Variants in GRAMD2B observed in about 807,000 individuals in gnomAD.
GRAMD2B encodes the protein GRAM domain containing 2B.
GRAMD2B carries 41 observed loss-of-function variants against 59.2 expected under a neutral mutation model. The observed-to-expected ratio is 0.69, with a 90% CI of 0.54 to 0.90. GRAMD2B has a LOEUF of 0.90. Among genes scored for constraint, GRAMD2B ranks in the 40% least tolerant of loss-of-function variants. The pLI, the probability that GRAMD2B is intolerant of heterozygous loss-of-function variation, is 0.00. For synonymous variants in GRAMD2B, 161 were observed against 182.7 expected (o/e 0.88, Z 0.96); for missense variants, 424 against 500.5 (o/e 0.85, Z 1.46).
At chr5:126,395,088 CTT>C (rs33993359) in intron 1 of GRAMD2B, among the ~76,000 whole-genome samples, 5 of 150,698 alleles carry the variant, frequency 3.3e-5, no homozygotes, top group East Asian at 1.9e-4. Flanking sequence ...TAGAGTTACA[CTT>C]TTTTTTTTGT....
upstream of GRAMD2B, among the ~76,000 whole-genome samples, chr5:126,420,907 A>ATTTGG (rs1188984458): frequency 3.3e-5 from 5 of 152,356 alleles, no homozygotes; most frequent in East Asian, 7.7e-4. Context: ...CCAGCCAAAA[A>ATTTGG]AAAATGAAAT....
chr5:126,437,995 T>G (rs1282971756), intron 1 of GRAMD2B, among the ~76,000 whole-genome samples: 1 of 152,198 alleles, frequency 6.6e-6, no homozygotes, highest in Non-Finnish European at 1.5e-5. Context: ...GGAATCTTCT[T>G]TGTCAATATG....
chr5:126,366,396 C>A (rs1177726070), upstream of GRAMD2B, among the ~76,000 whole-genome samples: 2 of 152,138 alleles, frequency 1.3e-5, no homozygotes, highest in Non-Finnish European at 2.9e-5. Flanking sequence ...TTGAGTAAAG[C>A]AAATCATATC....
At chr5:126,391,978 G>T (rs187958669) in intron 1 of GRAMD2B, among the ~76,000 whole-genome samples, 1 of 152,274 alleles carries the variant, frequency 6.6e-6, no homozygotes, top group East Asian at 1.9e-4. Flanking sequence ...TTTCTTGGAA[G>T]TTCATATTCT....
intron 1 of GRAMD2B, chr5:126,434,126 A>G (rs1439767641): frequency 6.6e-6 from 1 of 152,236 alleles, no homozygotes; most frequent in Non-Finnish European, 1.5e-5. Context: ...GTTTCTGGCA[A>G]TACTTAACAA....
intron 1 of GRAMD2B, among the ~76,000 whole-genome samples, chr5:126,410,747 C>G (rs948145253): frequency 6.6e-6 from 1 of 151,998 alleles, no homozygotes. Context: ...AACAACATTC[C>G]TATTTCTCCA....
At chr5:126,457,900 T>C (rs1250374918) in intron 1 of GRAMD2B, among the ~76,000 whole-genome samples, 1 of 152,136 alleles carries the variant, frequency 6.6e-6, no homozygotes, top group East Asian at 1.9e-4. Flanking sequence ...AAGTAGGGTT[T>C]CCTTCTCCAT....
intron 1 of GRAMD2B, among the ~76,000 whole-genome samples, chr5:126,405,611 T>C (rs1425354095): frequency 1.3e-5 from 2 of 151,928 alleles, no homozygotes. Flanking sequence ...GTGAACCAGA[T>C]CATTACATGA....
At position 126,409,839 on chromosome 5, in the gene GRAMD2B, T is replaced by A. The variant is rs1195073250; in HGVS notation, c.125+38272T>A. ...GGTTTTAGGTCTAATGTTTAAGTCT[T>A]TAATCCATCTTGAATTAATTTTTGT... On this transcript the variant is annotated intron_variant, in intron 1 of 8. Transcript: ENST00000506445. Among the ~76,000 whole-genome samples the A allele has an allele frequency of 2.0e-5, 3 of 152,180 alleles. No homozygotes were observed. The East Asian group carries it at 5.8e-4, about 29-fold the overall frequency.
chr5:126,484,357 A>G lies in GRAMD2B; in HGVS notation c.848-45A>G, dbSNP rs771545913. On this transcript the variant is annotated intron_variant, in intron 9 of 13. Coordinates refer to ENST00000285689, the MANE Select transcript of GRAMD2B (RefSeq NM_023927.4). ...ACTTGGAGATTAATCCTGTTTTTAA[A>G]TACATTGGAGAGAACACTTACCCAG... 5 of 1,582,264 alleles carry G rather than the reference A, an allele frequency of 3.2e-6. No homozygotes were observed. The South Asian group carries it at 5.8e-5, about 18-fold the overall frequency.
intron 1 of GRAMD2B, among the ~76,000 whole-genome samples, chr5:126,384,378 A>G (rs1755927542): frequency 6.6e-6 from 1 of 152,220 alleles, no homozygotes; most frequent in African/African-American, 2.4e-5. Context: ...TAGATCTAGA[A>G]ATAAACTGCA....
At chr5:126,360,588 G>A in intron 1 of GRAMD2B, 1 of 895,270 alleles carries the variant, frequency 1.1e-6, no homozygotes, top group Non-Finnish European at 1.6e-6. Flanking sequence ...ATTGCCCACT[G>A]GGGGAGTTTT....
At chr5:126,488,755 C>T (rs1440251168) in intron 12 of GRAMD2B, 44 bp from the exon 13 acceptor site, 6 of 1,371,468 alleles carry the variant, frequency 4.4e-6, no homozygotes, top group Admixed American at 1.8e-5. Context: ...CACTTCTTTC[C>T]TTGTCATCCC....
At chr5:126,481,208 AAAGAAAGAAAG>A (rs1771717136) in intron 8 of GRAMD2B, among the ~76,000 whole-genome samples, 5 of 6,710 alleles carry the variant, frequency 7.5e-4, no homozygotes, top group East Asian at 5.2e-3. Context: ...AAAAAAAAAG[AAAGAAAGAAAG>A]AAAGAAAGAA....
intron 1 of GRAMD2B, among the ~76,000 whole-genome samples, chr5:126,371,968 T>G (rs1434128405): frequency 6.6e-6 from 1 of 152,074 alleles, no homozygotes; most frequent in African/African-American, 2.4e-5. Context: ...TATTAAAATA[T>G]TAAGATAATT....
chr5:126,370,989 C>T (rs916280560), upstream of GRAMD2B, among the ~76,000 whole-genome samples: 7 of 152,202 alleles, frequency 4.6e-5, no homozygotes, highest in African/African-American at 1.4e-4. Flanking sequence ...TCATTTCCTG[C>T]GTGAGTACAG....
chr5:126,361,337 TG>T (rs1754207190), intron 1 of GRAMD2B, among the ~76,000 whole-genome samples: 1 of 151,934 alleles, frequency 6.6e-6, no homozygotes, highest in African/African-American at 2.4e-5. Context: ...TATAAATGGG[TG>T]GGAAGATTAG....
At chr5:126,477,009 T>G (rs1770754911) in intron 5 of GRAMD2B, among the ~76,000 whole-genome samples, 1 of 152,210 alleles carries the variant, frequency 6.6e-6, no homozygotes, top group South Asian at 2.1e-4. Flanking sequence ...GAATCCCCTA[T>G]CCAAAATGCT....
intron 1 of GRAMD2B, among the ~76,000 whole-genome samples, chr5:126,382,976 C>A (rs894459082): frequency 6.6e-6 from 1 of 152,120 alleles, no homozygotes; most frequent in African/African-American, 2.4e-5. Context: ...ACGGATGTAG[C>A]CACTCAGCAG....
Sources: gnomAD v4.1 joint callset for allele counts (sites outside exome capture counted in the v4.1 genomes callset) on GRCh38, gnomAD v4.1.1 for gene constraint, MANE v1.5 for transcripts, NCBI Gene and HGNC (gene_info 2026-07-23, HGNC 2026-07-21) for gene names.